Variants in SPMIP7 observed in about 807,000 individuals in gnomAD.
The protein encoded by SPMIP7 is sperm microtubule inner protein 7.
the SPMIP7 span, chr7:50,136,218 G>A: frequency 7.7e-7 from 1 of 1,305,182 alleles, no homozygotes; most frequent in South Asian, 1.3e-5. Context: ...ATCATGTTTT[G>A]TAATTAAGAA....
chr7:50,143,691 C>G, the SPMIP7 span, among the ~76,000 whole-genome samples: 2 of 152,094 alleles, frequency 1.3e-5, no homozygotes, highest in Non-Finnish European at 2.9e-5. Flanking sequence ...TATTGTAGAA[C>G]TGAATCTGAT....
chr7:50,159,060 A>G, the SPMIP7 span: 1 of 1,552,022 alleles, frequency 6.4e-7, no homozygotes, highest in Non-Finnish European at 8.7e-7. Context: ...TTCCAGAAAG[A>G]AATGGCAGTT....
chr7:50,099,143 G>C, the SPMIP7 span, among the ~76,000 whole-genome samples: 2 of 152,000 alleles, frequency 1.3e-5, no homozygotes, highest in Admixed American at 1.3e-4. Flanking sequence ...TGTCCTTCAG[G>C]TTCACTCCTG....
the SPMIP7 span, among the ~76,000 whole-genome samples, chr7:50,114,384 A>C: frequency 1.3e-5 from 2 of 152,166 alleles, no homozygotes; most frequent in Admixed American, 1.3e-4. Context: ...AAAGAAAATG[A>C]GCATATGCTG....
chr7:50,145,573 T>G, the SPMIP7 span, among the ~76,000 whole-genome samples: 1 of 41,026 alleles, frequency 2.4e-5, no homozygotes, highest in South Asian at 5.5e-4. Flanking sequence ...TATATATGTA[T>G]ATATATATAT....
chr7:50,151,524 C>T, the SPMIP7 span: 1 of 1,551,520 alleles, frequency 6.4e-7, no homozygotes, highest in Non-Finnish European at 8.7e-7. Flanking sequence ...AATATTCCAT[C>T]AACAACCCCA....
chr7:50,148,052 G>A, the SPMIP7 span, among the ~76,000 whole-genome samples: 1 of 152,104 alleles, frequency 6.6e-6, no homozygotes, highest in African/African-American at 2.4e-5. Context: ...TCTCCTATCA[G>A]CAGCAGTCTA....
chr7:50,147,049 C>G, the SPMIP7 span, among the ~76,000 whole-genome samples: 1 of 152,204 alleles, frequency 6.6e-6, no homozygotes, highest in Non-Finnish European at 1.5e-5. Flanking sequence ...CTCACACCCC[C>G]CTCCCTTATG....
At chr7:50,112,061 A>G in the SPMIP7 span, among the ~76,000 whole-genome samples, 38 of 152,306 alleles carry the variant, frequency 2.5e-4, no homozygotes, top group Middle Eastern at 3.4e-3. Context: ...CAAAAATTAA[A>G]TACAAATCAG....
chr7:50,097,868 A>C, the SPMIP7 span, among the ~76,000 whole-genome samples: 1 of 152,224 alleles, frequency 6.6e-6, no homozygotes, highest in South Asian at 2.1e-4. Context: ...AATCAAATGA[A>C]TTAACACTTG....
chr7:50,096,650 G>C, the SPMIP7 span: 4 of 1,498,662 alleles, frequency 2.7e-6, no homozygotes, highest in South Asian at 1.3e-5. Flanking sequence ...TAAATGAAGT[G>C]ACATGAACTT....
chr7:50,122,913 A>C, the SPMIP7 span, among the ~76,000 whole-genome samples: 2 of 151,672 alleles, frequency 1.3e-5, no homozygotes, highest in African/African-American at 4.9e-5. Context: ...AAAGTCAGGA[A>C]ACAACAGGTG....
At chr7:50,156,531 G>A in the SPMIP7 span, among the ~76,000 whole-genome samples, 21 of 151,610 alleles carry the variant, frequency 1.4e-4, no homozygotes, top group Non-Finnish European at 2.5e-4. Context: ...TGCCACACGA[G>A]CTTCCAGTCA....
chr7:50,101,365 G>C, the SPMIP7 span, among the ~76,000 whole-genome samples: 2 of 152,142 alleles, frequency 1.3e-5, no homozygotes, highest in Non-Finnish European at 2.9e-5. Flanking sequence ...CCCAGCTAAT[G>C]GTCAACACCA....
the SPMIP7 span, chr7:50,117,307 CT>C: frequency 2.2e-6 from 1 of 452,252 alleles, no homozygotes; most frequent in East Asian, 7.0e-5. Flanking sequence ...TGTGATTGGA[CT>C]CAGTAGCTAA....
the SPMIP7 span, among the ~76,000 whole-genome samples, chr7:50,131,275 G>T: frequency 1.3e-5 from 2 of 152,172 alleles, no homozygotes; most frequent in Admixed American, 1.3e-4. Context: ...GAGAAAAGAC[G>T]ACTCAAAAAT....
the SPMIP7 span, among the ~76,000 whole-genome samples, chr7:50,137,421 T>C: frequency 6.6e-6 from 1 of 152,184 alleles, no homozygotes; most frequent in Non-Finnish European, 1.5e-5. Context: ...CCAAAAATTA[T>C]TCATCCATTC....
the SPMIP7 span, among the ~76,000 whole-genome samples, chr7:50,121,107 A>C: frequency 2.7e-3 from 406 of 152,318 alleles, 3 homozygotes; most frequent in Admixed American, 4.8e-3. Context: ...AGTTAGAGTA[A>C]AAAAACACGA....
the SPMIP7 span, among the ~76,000 whole-genome samples, chr7:50,155,792 C>A: frequency 2.0e-5 from 3 of 152,282 alleles, no homozygotes; most frequent in Non-Finnish European, 4.4e-5. Flanking sequence ...CAATCCCTCT[C>A]AATACACACA....
Sources: gnomAD v4.1 joint callset for allele counts (sites outside exome capture counted in the v4.1 genomes callset) on GRCh38, gnomAD v4.1.1 for gene constraint, MANE v1.5 for transcripts, NCBI Gene and HGNC (gene_info 2026-07-23, HGNC 2026-07-21) for gene names.